TASP1: variants seen among roughly 807,000 people sequenced by gnomAD.
TASP1 encodes taspase 1.
A neutral mutation model predicts 56.6 loss-of-function variants in TASP1; 16 were observed. The observed-to-expected ratio is 0.28, with a 90% CI of 0.19 to 0.43. The LOEUF is 0.43. Among genes scored for constraint, TASP1 ranks in the 20% least tolerant of loss-of-function variants. The pLI is 1.00. For missense variants in TASP1, 393 were observed against 511.6 expected, an observed-to-expected ratio of 0.77 and a Z score of 2.24; for synonymous variants, 179 against 184.2, an observed-to-expected ratio of 0.97 and a Z score of 0.23.
chr20:13,401,218 G>A (rs1328291306), intron 13 of TASP1, among the ~76,000 whole-genome samples: 1 of 152,216 alleles, frequency 6.6e-6, no homozygotes, highest in East Asian at 1.9e-4. Flanking sequence ...GTTTAAATCT[G>A]TGTAAAATTT....
At chr20:13,569,923 C>T (rs1055565440) in intron 6 of TASP1, among the ~76,000 whole-genome samples, 1 of 152,102 alleles carries the variant, frequency 6.6e-6, no homozygotes, top group African/African-American at 2.4e-5. Context: ...GTTAATGTCA[C>T]AAGATTGGTT....
intron 13 of TASP1, among the ~76,000 whole-genome samples, chr20:13,394,056 G>A (rs2041405120): frequency 6.6e-6 from 1 of 151,916 alleles, no homozygotes; most frequent in South Asian, 2.1e-4. Flanking sequence ...TGAGGCAGGC[G>A]GATCCCCCGA....
chr20:13,629,712 A>G (rs530823881), intron 2 of TASP1, among the ~76,000 whole-genome samples: 7 of 152,306 alleles, frequency 4.6e-5, no homozygotes, highest in African/African-American at 1.7e-4. Flanking sequence ...ATAATAGGTT[A>G]GGGAAGTGAA....
At chr20:13,433,096 A>G (rs2042869681) in intron 12 of TASP1, among the ~76,000 whole-genome samples, 1 of 152,028 alleles carries the variant, frequency 6.6e-6, no homozygotes, top group Admixed American at 6.6e-5. Context: ...CATCTACATT[A>G]AGTATTTCTC....
At position 13,506,308 on chromosome 20, in the gene TASP1, T is replaced by C. The variant is rs536434106; in HGVS notation, c.874+22125A>G. ...ACCTGGTAGCTTTGCTACTGAGTTC[T>C]ACCAAACATTTAAAGAACTAATAAC... On this transcript the variant is annotated intron_variant, in intron 10 of 13. Coordinates refer to ENST00000337743, the MANE Select transcript of TASP1 (RefSeq NM_017714.3). Among the ~76,000 whole-genome samples the C allele has an allele frequency of 2.0e-5, 3 of 152,274 alleles. No individual in the cohort carries two copies. The South Asian group carries it at 6.2e-4, about 32-fold the overall frequency.
At position 13,438,967 on chromosome 20, in the gene TASP1, C is replaced by T. The variant is rs78151977; in HGVS notation, c.986-3813G>A. Reference sequence around the variant, plus strand: ...AAAACCACAATGAGACACCATCTCACATCAGTTAGAATGGCGATCATTAAA... The same window carrying T: ...AAAACCACAATGAGACACCATCTCATATCAGTTAGAATGGCGATCATTAAA... On this transcript the variant is annotated intron_variant, in intron 11 of 13. Coordinates refer to ENST00000337743, the MANE Select transcript of TASP1 (RefSeq NM_017714.3). 3.3e-3 allele frequency among the ~76,000 whole-genome samples: 497 copies of T among 152,314 alleles called. 2 individuals are homozygous for T. Among genetic ancestry groups the T allele is most frequent in the East Asian group, 0.012 (60 of 5,186 alleles).
chr20:13,164,943 G>T, the TASP1 span: 1 of 1,254,556 alleles, frequency 8.0e-7, no homozygotes, highest in Non-Finnish European at 1.1e-6. Flanking sequence ...AATATAAATG[G>T]ATTTCTCCCC....
the TASP1 span, among the ~76,000 whole-genome samples, chr20:13,360,509 C>A: frequency 9.2e-5 from 14 of 152,162 alleles, no homozygotes; most frequent in African/African-American, 2.4e-4. Context: ...GGTCAGAATT[C>A]TTACACAAGA....
At chr20:13,142,186 A>T in the TASP1 span, among the ~76,000 whole-genome samples, 3 of 152,340 alleles carry the variant, frequency 2.0e-5, no homozygotes, top group Admixed American at 6.5e-5. Context: ...CCCTAGAAAG[A>T]ATGTAAAGAG....
intron 10 of TASP1, among the ~76,000 whole-genome samples, chr20:13,508,680 A>G (rs1279983126): frequency 6.6e-6 from 1 of 152,228 alleles, no homozygotes; most frequent in Non-Finnish European, 1.5e-5. Flanking sequence ...TGGACAAAGG[A>G]CATGAATAGG....
chr20:13,149,142 G>A, the TASP1 span, among the ~76,000 whole-genome samples: 2 of 152,174 alleles, frequency 1.3e-5, no homozygotes, highest in African/African-American at 4.8e-5. Context: ...TCTCCAGAGG[G>A]CTACATAAGA....
intron 11 of TASP1, among the ~76,000 whole-genome samples, chr20:13,465,170 C>A: frequency 8.5e-6 from 1 of 117,384 alleles, no homozygotes; most frequent in East Asian, 2.4e-4. Flanking sequence ...GACCCCCTTT[C>A]TCTCTCCCAA....
In TASP1 at chr20:13,528,450, G is replaced by A; in HGVS notation, c.857C>T (p.Thr286Ile). 1 of 1,610,942 alleles carries A rather than the reference G, an allele frequency of 6.2e-7. No homozygotes were observed. The highest frequency in any genetic ancestry group is 8.5e-7 in the Non-Finnish European group (1 of 1,178,216). ...GCAAATACCTGAGGTACTCACAGCT[G>A]TGGAGTAGGGGTTATGAGCTCCAGT... ...ENTGAHNPYS[T>I]AVSTSGCGEH... is the part of the protein sequence containing the mutation. Residue 286 changes from threonine (T) to isoleucine (I), a missense_variant, in exon 10 of 14, where the codon ACA (threonine) becomes ATA (isoleucine). By Grantham distance (89) the Thr-to-Ile change is moderately conservative. Transcript: ENST00000337743.
intron 4 of TASP1, among the ~76,000 whole-genome samples, chr20:13,616,321 T>C (rs913337912): frequency 2.0e-5 from 3 of 152,148 alleles, no homozygotes; most frequent in Admixed American, 6.6e-5. Context: ...TGAAGTATAT[T>C]TTTGAGAGTA....
chr20:13,215,169 G>T, the TASP1 span, among the ~76,000 whole-genome samples: 1 of 152,152 alleles, frequency 6.6e-6, no homozygotes, highest in Non-Finnish European at 1.5e-5. Context: ...GGAAACCTGG[G>T]CTCTTGTCCT....
chr20:13,420,293 G>A (rs1028361438), intron 12 of TASP1, among the ~76,000 whole-genome samples: 2 of 152,058 alleles, frequency 1.3e-5, no homozygotes, highest in Non-Finnish European at 1.5e-5. Flanking sequence ...TACAAAAGAG[G>A]ATAAATTAGA....
the TASP1 span, chr20:13,299,046 A>G: frequency 3.1e-6 from 5 of 1,613,762 alleles, no homozygotes; most frequent in Admixed American, 6.7e-5. This position sits in a 1 kb window ranked among gnomAD's most constrained non-coding sequence, Gnocchi z 5.8. Context: ...CTCCTACCCC[A>G]CTGAGGTGGC....
the TASP1 span, among the ~76,000 whole-genome samples, chr20:13,320,620 G>A: frequency 6.6e-6 from 1 of 152,166 alleles, no homozygotes; most frequent in African/African-American, 2.4e-5. Context: ...AAATAAGGTA[G>A]AAGCTTATTG....
the TASP1 span, among the ~76,000 whole-genome samples, chr20:13,250,848 CTTTTAAG>C: frequency 6.6e-6 from 1 of 152,178 alleles, no homozygotes; most frequent in African/African-American, 2.4e-5. Context: ...GTGATTTCAG[CTTTTAAG>C]TATGTTGGGT....
Sources: allele counts gnomAD v4.1 joint callset (sites outside exome capture counted in the v4.1 genomes callset), GRCh38; gene constraint gnomAD v4.1.1; non-coding constraint Gnocchi (gnomAD v3.1); transcripts MANE v1.5; gene names NCBI Gene and HGNC (gene_info 2026-07-23, HGNC 2026-07-21).